The following PIN4 variants were observed in gnomAD, a reference collection of about 807,000 sequenced individuals.
PIN4 encodes the protein peptidyl-prolyl cis-trans isomerase NIMA-interacting 4.
A neutral mutation model predicts 8.3 loss-of-function variants in PIN4; 3 were observed. The ratio of observed to expected loss-of-function variants is 0.36; its 90% CI spans 0.16 to 0.93. PIN4 has a LOEUF of 0.93. Among genes scored for constraint, PIN4 ranks in the 40% least tolerant of loss-of-function variants. The pLI, the probability that PIN4 is intolerant of heterozygous loss-of-function variation, is 0.44. For missense variants in PIN4, 75 were observed against 100.6 expected (o/e 0.75, Z 1.09); for synonymous variants, 18 against 32.5 (o/e 0.55, Z 1.52).
intron 3 of PIN4, among the ~76,000 whole-genome samples, chrX:72,233,721 C>CAAAAAAA (rs35310682): frequency 1.1e-5 from 1 of 89,709 alleles, no homozygotes; most frequent in Admixed American, 1.2e-4. Flanking sequence ...GACTCCGTCT[C>CAAAAAAA]AAAAAAAAAA....
chrX:72,217,833 T>C (rs986312432), intron 3 of PIN4, among the ~76,000 whole-genome samples: 1 of 112,230 alleles, frequency 8.9e-6, no homozygotes, highest in Non-Finnish European at 1.9e-5. Context: ...AAGAACAGTG[T>C]AGAACTCTTG....
chrX:72,204,892 G>C (rs2147580580), intron 3 of PIN4: 1 of 561,596 alleles, frequency 1.8e-6, no homozygotes, highest in Non-Finnish European at 2.7e-6. Flanking sequence ...GGCAGAAGTT[G>C]CTTTTTGAGA....
At chrX:72,182,041 C>T (rs991619166) in intron 1 of PIN4, 1 of 433,322 alleles carries the variant, frequency 2.3e-6, no homozygotes, top group Admixed American at 4.0e-5. Flanking sequence ...TCCTCGGAGG[C>T]GATGACTTAG....
chrX:72,205,412 C>T, intron 3 of PIN4: 1 of 1,212,062 alleles, frequency 8.3e-7, no homozygotes. Context: ...CCCTTTGCTT[C>T]ACTGCTGTCG....
intron 3 of PIN4, among the ~76,000 whole-genome samples, chrX:72,242,231 G>T (rs760919294): frequency 4.2e-4 from 47 of 112,535 alleles, no homozygotes; most frequent in Non-Finnish European, 7.9e-4. Flanking sequence ...GATGCCTAAA[G>T]GCCCTGATCA....
chrX:72,195,711 G>A lies in PIN4; in HGVS notation c.118-1074G>A, dbSNP rs749326618. The stretch of plus-strand genomic sequence containing the variant: ...CACTCTGATGAAATAATAGCTAGCC[G>A]TTGGTCAATGGTAGCTGCATTATCT... On this transcript the variant is annotated intron_variant, in intron 2 of 3. Coordinates refer to ENST00000373669, the MANE Select transcript of PIN4 (RefSeq NM_006223.4). Among the ~76,000 whole-genome samples, 102 of 111,708 alleles carry A rather than the reference G, an allele frequency of 9.1e-4. 1 individual carries two copies. The highest frequency in any genetic ancestry group is 1.4e-3 in the Non-Finnish European group (76 of 53,184).
At chrX:72,182,021 T>C (rs2042675835) in intron 1 of PIN4, 193 bp downstream of exon 1, 3 of 450,639 alleles carry the variant, frequency 6.7e-6, no homozygotes, top group Non-Finnish European at 1.2e-5. Flanking sequence ...TGGAATCTGA[T>C]GGGGATAGTT....
At chrX:72,248,886 AAAG>A (rs1468666302) in intron 3 of PIN4, among the ~76,000 whole-genome samples, 11 of 110,376 alleles carry the variant, frequency 1.0e-4, no homozygotes, top group Non-Finnish European at 1.9e-4. Flanking sequence ...CAAAAAAAGA[AAAG>A]AAAAAGAAAA....
chrX:72,260,160 G>T (rs1005856188), intron 3 of PIN4, among the ~76,000 whole-genome samples: 1 of 112,003 alleles, frequency 8.9e-6, no homozygotes, highest in African/African-American at 3.3e-5. Context: ...GAGTGGGATT[G>T]GTTGTTTGGG....
chrX:72,257,825 C>T (rs960904633), intron 3 of PIN4, among the ~76,000 whole-genome samples: 2 of 111,653 alleles, frequency 1.8e-5, no homozygotes, highest in Non-Finnish European at 3.8e-5. Flanking sequence ...TAGGAGTACA[C>T]AGGGCTGTTG....
chrX:72,229,399 T>A (rs1303113903), intron 3 of PIN4, among the ~76,000 whole-genome samples: 2 of 111,869 alleles, frequency 1.8e-5, no homozygotes, highest in African/African-American at 6.5e-5. Flanking sequence ...TTTCCATGGC[T>A]CAATATCAAT....
At chrX:72,195,382 C>T (rs947405876) in intron 2 of PIN4, among the ~76,000 whole-genome samples, 2 of 111,795 alleles carry the variant, frequency 1.8e-5, no homozygotes, top group African/African-American at 3.3e-5. Flanking sequence ...TGTGCTGACA[C>T]CTGTAATCCC....
At chrX:72,201,934 C>T (rs1207770393), downstream of PIN4, among the ~76,000 whole-genome samples, 1 of 112,799 alleles carries the variant, frequency 8.9e-6, no homozygotes, top group Non-Finnish European at 1.9e-5. Context: ...TCAAAACACC[C>T]TGTTAGAGAA....
chrX:72,211,767 G>T (rs951389339), intron 3 of PIN4, among the ~76,000 whole-genome samples: 1 of 108,377 alleles, frequency 9.2e-6, no homozygotes, highest in African/African-American at 3.4e-5. Context: ...CTGGGTGACA[G>T]AGCAAGACCC....
chrX:72,262,775 A>G lies in PIN4; in HGVS notation c.381A>G (p.Ser127=), dbSNP rs1369202440. Residue 127 remains serine (S), a synonymous_variant, in exon 4 of 4, where the codon TCA becomes TCG. Coordinates refer to the PIN4 transcript ENST00000423432. ...GAAGCACCCTCATCTCATTGGTATC[A>G]TATTTACAAACCACCCCTTAAAGTG... 7 of 1,127,705 alleles carry G rather than the reference A, an allele frequency of 6.2e-6. No individual in the cohort carries two copies. The Admixed American group carries it at 1.3e-4, about 21-fold the overall frequency. The allele number at this position is 1,127,705 out of a possible 1,213,427, so 92.9% of individuals were successfully genotyped here.
rs139852834 is a variant in PIN4 at position 72,238,151 on chromosome X, A to G, written c.313-24556A>G. On this transcript the variant is annotated intron_variant, in intron 3 of 3. Coordinates refer to the PIN4 transcript ENST00000423432. ...CTGAACTGTACATTTAAAAATGGTT[A>G]GGATGATAAACTTTATTTTTCATAA... 5.4e-3 allele frequency among the ~76,000 whole-genome samples: 608 copies of G among 112,220 alleles called. 2 individuals are homozygous for G. Among genetic ancestry groups the G allele is most frequent in the African/African-American group, 0.018 (562 of 30,921 alleles).
At chrX:72,196,551 G>A (rs1039418089) in intron 2 of PIN4, among the ~76,000 whole-genome samples, 2 of 109,697 alleles carry the variant, frequency 1.8e-5, no homozygotes, top group African/African-American at 6.6e-5. Context: ...AAAAAAAGGC[G>A]GAGCTTCCCA....
At chrX:72,213,539 C>T (rs974510289) in intron 3 of PIN4, among the ~76,000 whole-genome samples, 13 of 111,771 alleles carry the variant, frequency 1.2e-4, no homozygotes, top group Admixed American at 3.8e-4. Context: ...TTTCGCTCAC[C>T]GTCCACCACT....
At chrX:72,262,578 A>G in intron 3 of PIN4, 1 of 414,707 alleles carries the variant, frequency 2.4e-6, no homozygotes, top group Non-Finnish European at 4.2e-6. Context: ...AGACACAATA[A>G]ATGTGTTGCT....
Sources: gnomAD v4.1 joint callset for allele counts (sites outside exome capture counted in the v4.1 genomes callset) on GRCh38, gnomAD v4.1.1 for gene constraint, MANE v1.5 for transcripts, NCBI Gene and HGNC (gene_info 2026-07-23, HGNC 2026-07-21) for gene names.